Variants in PLCB3 observed in about 807,000 individuals in gnomAD.
PLCB3 encodes the protein phospholipase C beta 3.
In PLCB3, 54 loss-of-function variants were observed where a neutral mutation model predicts 152.1. That is an observed-to-expected ratio of 0.36 (90% CI 0.29 to 0.45). The LOEUF is 0.45. Ranked by LOEUF, PLCB3 falls within the 20% of genes least tolerant of loss-of-function variation. The probability of loss-of-function intolerance (pLI) is 1.00; values close to 1 mark genes in which losing one functional copy is unlikely to be tolerated. For missense variants in PLCB3, 1,248 were observed against 1,687.5 expected (o/e 0.74, Z 4.56); for synonymous variants, 717 against 698.7 (o/e 1.03, Z -0.41).
chr11:64,256,524 C>T lies in PLCB3; in HGVS notation c.847C>T (p.Gln283Ter). 6.2e-7 allele frequency: 1 copy of T among 1,613,914 alleles called. No individual in the cohort carries two copies. Among genetic ancestry groups the T allele is most frequent in the Non-Finnish European group, 8.5e-7 (1 of 1,179,980 alleles). Residue 283 changes from glutamine (Q) to a stop codon, truncating the protein, a stop_gained, in exon 9 of 31, where the codon CAG becomes TAG. Coordinates refer to ENST00000279230, the MANE Select transcript of PLCB3 (RefSeq NM_000932.5). LOFTEE classifies it high-confidence loss of function. ...RLLIEKYEPN[Q>*]QFLERDQMSM... ...GCTCATCGAAAAGTATGAGCCCAAC[C>T]AGCAGTTTCTGGAGCGAGGTGAGCT...
At chr11:64,256,339 C>G (rs548652241) in intron 8 of PLCB3, 37 bp from the exon 9 acceptor site, 1 of 1,590,056 alleles carries the variant, frequency 6.3e-7, no homozygotes, top group South Asian at 1.1e-5. Flanking sequence ...GGAGCCCTGC[C>G]AGGCTCCATC....
rs1230545083 is a variant in PLCB3 at position 64,267,037 on chromosome 11, G to C, written c.3415-148G>C. On this transcript the variant is annotated intron_variant, in intron 29 of 30. Transcript: ENST00000279230. This position sits in a 1 kb window ranked among gnomAD's most constrained non-coding sequence, Gnocchi z 5.2. ...TCGAACTCCTGACCTCAGGTGATCC[G>C]CCCGCCTTGGCCTCCCAAAGTGCTG... is the stretch of plus-strand genomic sequence containing the variant. 1.5e-6 allele frequency: 1 copy of C among 650,910 alleles called. No homozygotes were observed. The highest frequency in any genetic ancestry group is 2.7e-6 in the Non-Finnish European group (1 of 368,140). 40.3% of individuals were successfully genotyped at this position (650,910 alleles called of 1,614,324 possible).
At position 64,256,475 on chromosome 11, in the gene PLCB3, C is replaced by T; in HGVS notation, c.798C>T (p.Pro266=). The T allele has an allele frequency of 1.2e-6, 2 of 1,613,902 alleles. No individual in the cohort carries two copies. Among genetic ancestry groups the T allele is most frequent in the South Asian group, 2.2e-5 (2 of 91,084 alleles). The change falls in exon 9 of 31, where the codon CCC becomes CCT. Residue 266 remains proline, a synonymous_variant. Transcript: ENST00000279230. The part of the protein sequence containing the change: ...DPRLNEVLYP[P]LRPSQARLLI... ...GACTCAACGAAGTGCTGTACCCGCC[C>T]CTGCGGCCCTCCCAGGCCCGGCTGC... is the stretch of plus-strand genomic sequence containing the variant.
At chr11:64,257,951 C>T (rs2031625579) in intron 10 of PLCB3, among the ~76,000 whole-genome samples, 1 of 151,810 alleles carries the variant, frequency 6.6e-6, no homozygotes, top group South Asian at 2.1e-4. Flanking sequence ...GTCAGGAGTT[C>T]GAGACCAGCC....
rs770673792 is a variant in PLCB3, at chr11:64,260,079, G to A, written c.1576G>A (p.Gly526Arg). 5.6e-6 allele frequency: 9 copies of A among 1,612,070 alleles called. No homozygotes were observed. The East Asian group carries it at 1.1e-4, about 20-fold the overall frequency. ...CPGLSNGEEV[G>R]LEKPSLEPQK... is the part of the protein sequence containing the mutation. ...AGGCCTGAGCAATGGGGAGGAGGTAGGGCTTGAGAAGCCCAGCCTGGAGCC... is the reference window on the plus strand; with the variant it reads ...AGGCCTGAGCAATGGGGAGGAGGTAAGGCTTGAGAAGCCCAGCCTGGAGCC... Residue 526 changes from glycine to arginine, a missense_variant, in exon 14 of 31, where the codon GGG (glycine) becomes AGG (arginine). Physicochemically the swap from Gly to Arg is moderately radical, Grantham distance 125. Coordinates refer to ENST00000279230, the MANE Select transcript of PLCB3 (RefSeq NM_000932.5).
In PLCB3 at chr11:64,251,636, C is replaced by T. The variant is rs1241519239; in HGVS notation, c.-14C>T. Reference sequence around the variant, plus strand: ...CAGGGCTCCGTGGGTCCCCGACCCGCCCCTGGCCGGGCCATGGCGGGCGCC... The same window carrying T: ...CAGGGCTCCGTGGGTCCCCGACCCGTCCCTGGCCGGGCCATGGCGGGCGCC... On this transcript the variant is annotated 5_prime_UTR_variant, in exon 1 of 31. Transcript: ENST00000279230. 11 of 1,431,596 alleles carry T rather than the reference C, an allele frequency of 7.7e-6. No homozygotes were observed. The highest frequency in any genetic ancestry group is 9.2e-7 in the Non-Finnish European group (1 of 1,081,754). The allele number at this position is 1,431,596 out of a possible 1,614,324, so 88.7% of individuals were successfully genotyped here.
intron 10 of PLCB3, among the ~76,000 whole-genome samples, chr11:64,257,026 CAG>C (rs1373167565): frequency 2.2e-5 from 1 of 45,188 alleles, no homozygotes; most frequent in Non-Finnish European, 6.4e-5. Flanking sequence ...TTTTTTGAGA[CAG>C]AGTTTCGCTC....
In PLCB3 at chr11:64,255,050, C is replaced by T. The variant is rs1448563693; in HGVS notation, c.387+12C>T. On this transcript the variant is annotated intron_variant, in intron 4 of 30. Coordinates refer to ENST00000279230, the MANE Select transcript of PLCB3 (RefSeq NM_000932.5). The surrounding 1 kb of genome is among the most constrained non-coding windows in gnomAD (Gnocchi z 6.8). ...ATGACACAGCCAAGGTGGGCTGGCACCAAGGGGACGAAGGGGGAGTCACTG... is the reference window on the plus strand; with the variant it reads ...ATGACACAGCCAAGGTGGGCTGGCATCAAGGGGACGAAGGGGGAGTCACTG... 6.4e-7 allele frequency: 1 copy of T among 1,569,856 alleles called. No homozygotes were observed. Among genetic ancestry groups the T allele is most frequent in the East Asian group, 2.3e-5 (1 of 44,438 alleles).
In PLCB3 at chr11:64,255,437, TC is replaced by T. The variant is rs2031471991; in HGVS notation, c.513del (p.Val172SerfsTer5). On this transcript the variant is annotated frameshift_variant, in exon 6 of 31. Coordinates refer to ENST00000279230, the MANE Select transcript of PLCB3 (RefSeq NM_000932.5). LOFTEE classifies it high-confidence loss of function. The surrounding 1 kb of genome is among the most constrained non-coding windows in gnomAD (Gnocchi z 6.8). ...CTGCAGGTGAACCAGGATGGTCGGA[TC>T]CCCGTCAAGAAGTGAGCACCCCTTC... ...LKLQVNQDGR[I>X]PVKNILKMFS... The T allele has an allele frequency of 1.9e-6, 3 of 1,614,022 alleles. No individual in the cohort carries two copies. Among genetic ancestry groups the T allele is most frequent in the African/African-American group, 1.3e-5 (1 of 74,930 alleles).
rs762059673 is a variant in PLCB3 at position 64,255,824 on chromosome 11, G to T, written c.698+3G>T. ...ATTGACAAGATCCTGCTGGAGATGT[G>T]AGTGGGCCCGGCCTGCCTCACAACC... On this transcript the variant is annotated splice_donor_region_variant and intron_variant, in intron 8 of 30. Transcript: ENST00000279230. The surrounding 1 kb of genome is among the most constrained non-coding windows in gnomAD (Gnocchi z 6.8). 11 of 1,602,030 alleles carry T rather than the reference G, an allele frequency of 6.9e-6. No homozygotes were observed. Among genetic ancestry groups the T allele is most frequent in the Non-Finnish European group, 8.6e-6 (10 of 1,169,184 alleles).
In PLCB3 at chr11:64,265,312, G is replaced by A. The variant is rs79573066; in HGVS notation, c.2845G>A (p.Val949Met). 2.4e-3 allele frequency: 3,842 copies of A among 1,589,408 alleles called. 57 individuals are homozygous for A. The South Asian group carries it at 0.024, about 10-fold the overall frequency. Residue 949 changes from valine to methionine, a missense_variant and splice_region_variant, in exon 25 of 31, where the codon GTG becomes ATG. Coordinates refer to ENST00000279230, the MANE Select transcript of PLCB3 (RefSeq NM_000932.5). The stretch of plus-strand genomic sequence containing the variant: ...CACCTTTGCTCTGCCGCTCCCAGAG[G>A]TGGCCCCCACCCCGCTGGATGAGCT... ...DDLIASILSE[V>M]APTPLDELRG...
Position 64,258,985 on chromosome 11 carries a change from G to C in PLCB3, c.1338+16G>C. On this transcript the variant is annotated intron_variant, in intron 12 of 30. Coordinates refer to ENST00000279230, the MANE Select transcript of PLCB3 (RefSeq NM_000932.5). The surrounding 1 kb of genome is among the most constrained non-coding windows in gnomAD (Gnocchi z 7.2). ...CAAGTACCCGGTACGGGAGCTCGGA[G>C]CGAGGGGGGTGGCATGGGGGCCAGG... is the stretch of plus-strand genomic sequence containing the variant. The C allele has an allele frequency of 6.2e-7, 1 of 1,613,768 alleles. No homozygotes were observed. The highest frequency in any genetic ancestry group is 8.5e-7 in the Non-Finnish European group (1 of 1,179,920).
Position 64,258,948 on chromosome 11 carries a change from C to T in PLCB3, c.1317C>T (p.Ile439=), listed in dbSNP as rs777447734. ...CRSIFGDALL[I]EPLDKYPLAP... ...CCATCTTTGGAGACGCGCTACTCAT[C>T]GAGCCTCTGGACAAGTACCCGGTAC... is the stretch of plus-strand genomic sequence containing the variant. The change falls in exon 12 of 31, where the codon ATC becomes ATT. Residue 439 remains isoleucine (I), a synonymous_variant. Transcript: ENST00000279230. This position sits in a 1 kb window ranked among gnomAD's most constrained non-coding sequence, Gnocchi z 7.2. The T allele has an allele frequency of 9.3e-6, 15 of 1,613,432 alleles. No individual in the cohort carries two copies. Among genetic ancestry groups the T allele is most frequent in the Admixed American group, 5.0e-5 (3 of 59,976 alleles).
At position 64,258,576 on chromosome 11, in the gene PLCB3, G is replaced by A; in HGVS notation, c.1116G>A (p.Glu372=). 1 of 1,614,016 alleles carries A rather than the reference G, an allele frequency of 6.2e-7. No homozygotes were observed. Among genetic ancestry groups the A allele is most frequent in the Non-Finnish European group, 8.5e-7 (1 of 1,180,024 alleles). Residue 372 remains glutamate, a synonymous_variant, in exon 11 of 31, where the codon GAG becomes GAA. Transcript: ENST00000279230. This position sits in a 1 kb window ranked among gnomAD's most constrained non-coding sequence, Gnocchi z 7.2. ...ELDVWKGRPP[E]EEPFITHGFT... ...ACGTGTGGAAGGGACGGCCGCCTGA[G>A]GAGGAACCCTTCATTACCCACGGCT...
In PLCB3 at chr11:64,261,681, G is replaced by A. The variant is rs774579481; in HGVS notation, c.1913+16G>A. 1.2e-6 allele frequency: 2 copies of A among 1,610,426 alleles called. No individual in the cohort carries two copies. The highest frequency in any genetic ancestry group is 1.7e-6 in the Non-Finnish European group (2 of 1,176,786). ...AGTTTGTGGAGTATCCTTTGAAGGTGCTGTGGGCGGGCAGGCCAGGGTGGG... is the reference window on the plus strand; with the variant it reads ...AGTTTGTGGAGTATCCTTTGAAGGTACTGTGGGCGGGCAGGCCAGGGTGGG... On this transcript the variant is annotated intron_variant, in intron 16 of 30. Transcript: ENST00000279230.
chr11:64,255,149 C>T lies in PLCB3; in HGVS notation c.388-85C>T, dbSNP rs1221072640. 9 of 1,512,960 alleles carry T rather than the reference C, an allele frequency of 5.9e-6. No homozygotes were observed. The highest frequency in any genetic ancestry group is 7.3e-6 in the Non-Finnish European group (8 of 1,089,560). The allele number at this position is 1,512,960 out of a possible 1,614,324, so 93.7% of individuals were successfully genotyped here. On this transcript the variant is annotated intron_variant, in intron 4 of 30. Coordinates refer to ENST00000279230, the MANE Select transcript of PLCB3 (RefSeq NM_000932.5). This position sits in a 1 kb window ranked among gnomAD's most constrained non-coding sequence, Gnocchi z 6.8. ...AGGCTGCTCTGTGACCTACTGTGTA[C>T]CAGAGGCAGTTGTGGACCTGGGTTG...
rs377028452 is a variant in PLCB3, at chr11:64,258,633, C to T, written c.1173C>T (p.Asp391=). The change falls in exon 11 of 31, where the codon GAC becomes GAT. Residue 391 remains aspartate, a synonymous_variant. Transcript: ENST00000279230. The surrounding 1 kb of genome is among the most constrained non-coding windows in gnomAD (Gnocchi z 7.2). ...TGACCACAGAGGTGCCTCTGCGCGA[C>T]GTGCTGGAGGCCATTGCCGAGACTG... ...FTMTTEVPLR[D]VLEAIAETAF... 1.4e-5 allele frequency: 23 copies of T among 1,613,902 alleles called. No individual in the cohort carries two copies. Among genetic ancestry groups the T allele is most frequent in the African/African-American group, 1.3e-4 (10 of 74,920 alleles).
At chr11:64,263,293 G>C (rs913243968) in intron 19 of PLCB3, 3 of 557,022 alleles carry the variant, frequency 5.4e-6, no homozygotes, top group Non-Finnish European at 9.5e-6. Context: ...CTTGCCTCAG[G>C]GTCCTGATGG....
chr11:64,263,563 G>C lies in PLCB3; in HGVS notation c.2421G>C (p.Gly807=). ...AAFEEGGKFV[G]HRILPVSAIR... ...TTGAGGAGGGGGGTAAATTCGTAGGGCACCGGATCCTGCCTGTCTCTGCCA... is the reference window on the plus strand; with the variant it reads ...TTGAGGAGGGGGGTAAATTCGTAGGCCACCGGATCCTGCCTGTCTCTGCCA... Residue 807 remains glycine, a synonymous_variant, in exon 20 of 31, where the codon GGG becomes GGC. Transcript: ENST00000279230. 4.4e-6 allele frequency: 7 copies of C among 1,608,790 alleles called. No individual in the cohort carries two copies. Among genetic ancestry groups the C allele is most frequent in the Non-Finnish European group, 5.9e-6 (7 of 1,177,664 alleles).
Sources: allele counts gnomAD v4.1 joint callset (sites outside exome capture counted in the v4.1 genomes callset), GRCh38; gene constraint gnomAD v4.1.1; non-coding constraint Gnocchi (gnomAD v3.1); transcripts MANE v1.5; gene names NCBI Gene and HGNC (gene_info 2026-07-23, HGNC 2026-07-21).